The following UBAP1 variants were observed in gnomAD, a reference collection of about 807,000 sequenced individuals.
The protein encoded by UBAP1 is ubiquitin associated protein 1.
A neutral mutation model predicts 39.0 loss-of-function variants in UBAP1; 5 were observed. The observed-to-expected ratio is 0.13, with a 90% CI of 0.07 to 0.27. The LOEUF (loss-of-function observed/expected upper bound fraction) is 0.27, where lower values mean the gene tolerates loss of function less well. UBAP1 is among the 10% of genes least tolerant of loss of function. UBAP1 has a pLI of 1.00. For missense variants in UBAP1, 490 were observed against 608.1 expected, an observed-to-expected ratio of 0.81 and a Z score of 2.04; for synonymous variants, 211 against 225.1, an observed-to-expected ratio of 0.94 and a Z score of 0.56.
chr9:34,216,781 G>A (rs1255151027), intron 1 of UBAP1, among the ~76,000 whole-genome samples: 5 of 150,534 alleles, frequency 3.3e-5, no homozygotes, highest in Admixed American at 6.7e-5. Context: ...CAAGTAGCTG[G>A]GACTACAGGT....
intron 1 of UBAP1, among the ~76,000 whole-genome samples, chr9:34,218,236 G>A (rs545071388): frequency 6.2e-5 from 6 of 97,070 alleles, no homozygotes. Context: ...TGGTGACAGA[G>A]CGAGACTCCA....
chr9:34,210,565 A>G (rs766119769), intron 1 of UBAP1, among the ~76,000 whole-genome samples: 1 of 140,598 alleles, frequency 7.1e-6, no homozygotes, highest in Non-Finnish European at 1.6e-5. Flanking sequence ...CTAAATACAA[A>G]AAAATTAGCT....
chr9:34,250,858 G>A, intron 6 of UBAP1, 99 bp downstream of exon 6: 1 of 966,012 alleles, frequency 1.0e-6, no homozygotes, highest in South Asian at 1.3e-5. Context: ...TTTTTGCTTT[G>A]CCAGTGACTA....
At chr9:34,200,136 C>A (rs1382823729) in intron 1 of UBAP1, among the ~76,000 whole-genome samples, 1 of 152,080 alleles carries the variant, frequency 6.6e-6, no homozygotes, top group Non-Finnish European at 1.5e-5. Flanking sequence ...CTGCTGTTTT[C>A]CTCGTAATTA....
At chr9:34,187,662 T>C (rs1261761067) in intron 1 of UBAP1, among the ~76,000 whole-genome samples, 1 of 152,112 alleles carries the variant, frequency 6.6e-6, no homozygotes, top group East Asian at 1.9e-4. Flanking sequence ...CAAGAATAGT[T>C]GTGGATTGTG....
At chr9:34,202,792 ATTTAACCTGTCAAG>A (rs1252393454) in intron 1 of UBAP1, among the ~76,000 whole-genome samples, 1 of 152,052 alleles carries the variant, frequency 6.6e-6, no homozygotes, top group African/African-American at 2.4e-5. Flanking sequence ...CAGTCATATC[ATTTAACCTGTCAAG>A]TTATTTTTGT....
rs755309437 is a variant in UBAP1 at position 34,251,493 on chromosome 9, T to C, written c.1470T>C (p.Asn490=). The C allele has an allele frequency of 1.9e-6, 3 of 1,614,156 alleles. No individual in the cohort carries two copies. The South Asian group carries it at 3.3e-5, about 18-fold the overall frequency. ...VLLLHNNDQD[N]ALEDLMARAG... ...TATTACACAACAATGACCAGGACAA[T>C]GCTTTGGAAGACCTCATGGCTCGGG... Residue 490 remains asparagine, a synonymous_variant, in exon 7 of 7, where the codon AAT becomes AAC. Transcript: ENST00000297661.
chr9:34,192,123 C>T (rs377627044), intron 1 of UBAP1, among the ~76,000 whole-genome samples: 1 of 151,642 alleles, frequency 6.6e-6, no homozygotes, highest in Non-Finnish European at 1.5e-5. Flanking sequence ...GGATTACAGG[C>T]ATGAGCCACG....
intron 1 of UBAP1, among the ~76,000 whole-genome samples, chr9:34,190,845 A>G (rs952154931): frequency 7.5e-6 from 1 of 132,606 alleles, no homozygotes; most frequent in Non-Finnish European, 1.6e-5. Flanking sequence ...ATGGGGTTTC[A>G]TCATGTTGCA....
chr9:34,237,829 A>G (rs1301930716), intron 3 of UBAP1, among the ~76,000 whole-genome samples: 1 of 152,194 alleles, frequency 6.6e-6, no homozygotes, highest in Non-Finnish European at 1.5e-5. Flanking sequence ...CAGCCTCCCA[A>G]AGTGCTGGGA....
intron 1 of UBAP1, among the ~76,000 whole-genome samples, chr9:34,209,797 G>GT (rs1373350227): frequency 1.3e-5 from 2 of 151,690 alleles, no homozygotes; most frequent in African/African-American, 2.4e-5. Context: ...TTGCATACCA[G>GT]TTTTTTTCCC....
chr9:34,188,911 C>G (rs542936728), intron 1 of UBAP1, among the ~76,000 whole-genome samples: 7 of 152,040 alleles, frequency 4.6e-5, no homozygotes, highest in Admixed American at 6.6e-5. Context: ...GAGCCGAGAT[C>G]GTACCATTGC....
At chr9:34,204,372 C>A (rs1831566908) in intron 1 of UBAP1, among the ~76,000 whole-genome samples, 1 of 151,728 alleles carries the variant, frequency 6.6e-6, no homozygotes, top group Non-Finnish European at 1.5e-5. Context: ...TAAGGATTTT[C>A]TTATAAAAAA....
chr9:34,223,308 TAATCCCA>T (rs1397186813), intron 2 of UBAP1, among the ~76,000 whole-genome samples: 2 of 151,122 alleles, frequency 1.3e-5, no homozygotes, highest in East Asian at 3.9e-4. Context: ...CGCATGCCTG[TAATCCCA>T]GCTACTCGGG....
intron 1 of UBAP1, among the ~76,000 whole-genome samples, chr9:34,191,022 T>C (rs1168145625): frequency 6.6e-6 from 1 of 152,024 alleles, no homozygotes; most frequent in African/African-American, 2.4e-5. Flanking sequence ...ATTTATTTCA[T>C]TTAGTAGTAT....
intron 1 of UBAP1, among the ~76,000 whole-genome samples, chr9:34,189,212 A>G (rs923951186): frequency 6.7e-6 from 1 of 149,466 alleles, no homozygotes; most frequent in African/African-American, 2.5e-5. Flanking sequence ...TTTTAAAGAC[A>G]GAGTCTTGCT....
At chr9:34,225,543 T>C in intron 2 of UBAP1, among the ~76,000 whole-genome samples, 1 of 151,922 alleles carries the variant, frequency 6.6e-6, no homozygotes, top group Admixed American at 6.6e-5. Flanking sequence ...TTTGGGAGGT[T>C]GAGGCAGGCG....
intron 2 of UBAP1, among the ~76,000 whole-genome samples, chr9:34,230,208 G>C (rs887322428): frequency 6.7e-5 from 10 of 150,346 alleles, no homozygotes; most frequent in Admixed American, 1.3e-4. Context: ...GGATTACATG[G>C]GCACGCCACC....
intron 1 of UBAP1, among the ~76,000 whole-genome samples, chr9:34,200,918 T>G (rs2131533229): frequency 6.6e-6 from 1 of 151,646 alleles, no homozygotes; most frequent in Non-Finnish European, 1.5e-5. Context: ...AGTGATTTTA[T>G]TTTTTTTTGA....
Sources: gnomAD v4.1 joint callset for allele counts (sites outside exome capture counted in the v4.1 genomes callset) on GRCh38, gnomAD v4.1.1 for gene constraint, MANE v1.5 for transcripts, NCBI Gene and HGNC (gene_info 2026-07-23, HGNC 2026-07-21) for gene names.